Variants in CRKL observed in about 807,000 individuals in gnomAD.
The protein encoded by CRKL is crk-like protein.
CRKL carries 3 observed loss-of-function variants against 23.0 expected under a neutral mutation model. The observed-to-expected ratio is 0.13, with a 90% CI of 0.06 to 0.34. The LOEUF (loss-of-function observed/expected upper bound fraction) is 0.34. Ranked by LOEUF, CRKL falls within the 10% of genes least tolerant of loss-of-function variation. The pLI is 1.00. For missense variants in CRKL, 256 were observed against 394.5 expected, an observed-to-expected ratio of 0.65 and a Z score of 2.97; for synonymous variants, 188 against 160.7, an observed-to-expected ratio of 1.17 and a Z score of -1.28.
At chr22:20,947,369 G>A (rs1054012865) in intron 2 of CRKL, among the ~76,000 whole-genome samples, 1 of 151,540 alleles carries the variant, frequency 6.6e-6, no homozygotes, top group African/African-American at 2.4e-5. Flanking sequence ...GAGCCACTGC[G>A]CCCAGCTACA....
intron 1 of CRKL, among the ~76,000 whole-genome samples, chr22:20,930,482 C>T (rs1011267958): frequency 1.3e-5 from 2 of 152,104 alleles, no homozygotes; most frequent in East Asian, 3.9e-4. Context: ...CAGGTTCAAG[C>T]AATTCTCTTC....
At chr22:20,933,370 C>CA (rs1163224051) in intron 1 of CRKL, among the ~76,000 whole-genome samples, 1 of 142,862 alleles carries the variant, frequency 7.0e-6, no homozygotes, top group Admixed American at 7.1e-5. Context: ...ACTCCATCTC[C>CA]AAAAAAAATG....
At chr22:20,921,504 T>C (rs1420500476) in intron 1 of CRKL, among the ~76,000 whole-genome samples, 1 of 38,636 alleles carries the variant, frequency 2.6e-5, no homozygotes, top group African/African-American at 6.8e-5. Flanking sequence ...AAAGTACTAG[T>C]AAGATCAATA....
rs867085447 is a variant in CRKL, at chr22:20,941,592, T to A, written c.777+7348T>A. On this transcript the variant is annotated intron_variant, in intron 2 of 2. Transcript: ENST00000354336. ...TGTGTGTGTGTGTATATATATATTT[T>A]TTTTTTTTTTTTTTTTTTTTGAGAT... is the stretch of plus-strand genomic sequence containing the variant. Among the ~76,000 whole-genome samples, 470 of 77,232 alleles carry A rather than the reference T, an allele frequency of 6.1e-3. 14 individuals are homozygous for A. The highest frequency in any genetic ancestry group is 0.022 in the African/African-American group (382 of 17,448). 50.7% of individuals were successfully genotyped at this position (77,232 alleles called of 152,430 possible).
chr22:20,936,952 C>T (rs1921681750), intron 2 of CRKL, among the ~76,000 whole-genome samples: 1 of 151,898 alleles, frequency 6.6e-6, no homozygotes, highest in Non-Finnish European at 1.5e-5. Context: ...CCTCTGCCTC[C>T]TGGGCTCAAG....
rs140819946 is a variant in CRKL, at chr22:20,933,350, A to G, written c.312-429A>G. Among the ~76,000 whole-genome samples, 899 of 151,298 alleles carry G rather than the reference A, an allele frequency of 5.9e-3. 8 individuals are homozygous for G. Among genetic ancestry groups the G allele is most frequent in the East Asian group, 0.055 (282 of 5,126 alleles). On this transcript the variant is annotated intron_variant, in intron 1 of 2. Transcript: ENST00000354336. ...CTGCCACTGCACTCCAGCCTGGGCA[A>G]CAGAACAAGACTCCATCTCCAAAAA...
rs1922360612 is a variant in CRKL at position 20,953,678 on chromosome 22, A to C, written c.*3833A>C. ...GTTTTACGTTACTGGTCCCAGCATC[A>C]AAACCCTTGTTTCCATGGCCTGTTT... is the stretch of plus-strand genomic sequence containing the variant. On this transcript the variant is annotated 3_prime_UTR_variant, in exon 3 of 3. Coordinates refer to ENST00000354336, the MANE Select transcript of CRKL (RefSeq NM_005207.4). 5.1e-6 allele frequency: 1 copy of C among 196,290 alleles called. No homozygotes were observed. The allele number at this position is 196,290 out of a possible 1,614,324, so 12.2% of individuals were successfully genotyped here. A position where few individuals can be genotyped will look rare whatever the true frequency, so the allele number is the denominator to read the frequency against.
chr22:20,935,976 G>A (rs1277918111), intron 2 of CRKL, among the ~76,000 whole-genome samples: 1 of 152,128 alleles, frequency 6.6e-6, no homozygotes, highest in Admixed American at 6.5e-5. Flanking sequence ...TCACAGACAT[G>A]GTGAAACCCC....
At chr22:20,943,336 T>G (rs1043856346) in intron 2 of CRKL, among the ~76,000 whole-genome samples, 2 of 152,038 alleles carry the variant, frequency 1.3e-5, no homozygotes, top group African/African-American at 4.8e-5. Flanking sequence ...GCCTTCCAGA[T>G]TCAAGCAATT....
At chr22:20,947,478 T>C (rs1922105967) in intron 2 of CRKL, among the ~76,000 whole-genome samples, 1 of 151,950 alleles carries the variant, frequency 6.6e-6, no homozygotes, top group Non-Finnish European at 1.5e-5. Flanking sequence ...AATTTGGGAT[T>C]ACAGGCATCT....
At chr22:20,927,842 CA>C (rs796204860) in intron 1 of CRKL, among the ~76,000 whole-genome samples, 1,016 of 56,226 alleles carry the variant, frequency 0.018, 4 homozygotes, top group East Asian at 0.077. Context: ...GACTCTGTCT[CA>C]AAAAAAAAAA....
chr22:20,938,249 AT>A (rs567104953), intron 2 of CRKL, among the ~76,000 whole-genome samples: 8 of 152,162 alleles, frequency 5.3e-5, no homozygotes, highest in East Asian at 3.9e-4. Flanking sequence ...TTATTTTACA[AT>A]TTTTTTTAAT....
rs6005034 is a variant in CRKL, at chr22:20,953,109, A to G, written c.*3264A>G. Reference sequence around the variant, plus strand: ...ATGAACATTTTATTTTTGAAAAGGGATGATGTGGTTTTTTGCCAGGTGTTT... The same window carrying G: ...ATGAACATTTTATTTTTGAAAAGGGGTGATGTGGTTTTTTGCCAGGTGTTT... On this transcript the variant is annotated 3_prime_UTR_variant, in exon 3 of 3. Transcript: ENST00000354336. The G allele has an allele frequency of 1.4e-3, 321 of 231,940 alleles. 1 individual carries two copies. The highest frequency in any genetic ancestry group is 5.9e-3 in the African/African-American group (268 of 45,340). The allele number at this position is 231,940 out of a possible 1,614,324, so 14.4% of individuals were successfully genotyped here. A position where few individuals can be genotyped will look rare whatever the true frequency, so the allele number is the denominator to read the frequency against.
Position 20,934,257 on chromosome 22 carries a change from C to T in CRKL, c.777+13C>T, listed in dbSNP as rs745667552. On this transcript the variant is annotated intron_variant, in intron 2 of 2. Coordinates refer to ENST00000354336, the MANE Select transcript of CRKL (RefSeq NM_005207.4). ...CTTGGCATTAGAGGTAAAATCTGTT[C>T]AGATTAGCTTTTTGGGTCCTTTGAC... 7 of 1,593,432 alleles carry T rather than the reference C, an allele frequency of 4.4e-6. No individual in the cohort carries two copies. The South Asian group carries it at 7.9e-5, about 18-fold the overall frequency.
intron 2 of CRKL, among the ~76,000 whole-genome samples, chr22:20,934,692 AC>A (rs1420403331): frequency 6.6e-6 from 1 of 152,180 alleles, no homozygotes; most frequent in East Asian, 1.9e-4. Context: ...ATTAAGGAAG[AC>A]CCATGACCTA....
At chr22:20,947,706 G>T (rs542378128) in intron 2 of CRKL, among the ~76,000 whole-genome samples, 1 of 113,972 alleles carries the variant, frequency 8.8e-6, no homozygotes, top group South Asian at 2.7e-4. Flanking sequence ...TTGAGACAGG[G>T]TCTTGCTCTG....
In CRKL at chr22:20,950,246, A is replaced by G. The variant is rs1299605606; in HGVS notation, c.*401A>G. 1 of 240,650 alleles carries G rather than the reference A, an allele frequency of 4.2e-6. No homozygotes were observed. The highest frequency in any genetic ancestry group is 8.1e-6 in the Non-Finnish European group (1 of 123,710). 14.9% of individuals were successfully genotyped at this position (240,650 alleles called of 1,614,324 possible). A position where few individuals can be genotyped will look rare whatever the true frequency, so the allele number is the denominator to read the frequency against. On this transcript the variant is annotated 3_prime_UTR_variant, in exon 3 of 3. Transcript: ENST00000354336. ...TTGCTGTTCCACAAAGCAGTGGCTT[A>G]GCTGCCATCTTGCTTTTCTTTGGAC...
chr22:20,917,786 G>T lies in CRKL; in HGVS notation c.-149G>T. On this transcript the variant is annotated 5_prime_UTR_variant, in exon 1 of 3. It introduces an in-frame stop codon into an upstream open reading frame of the 5' UTR. Transcript: ENST00000354336. ...GAGGATGCTGCGGGCCCGGAGCCGA[G>T]AGGAAAGTGCTGGCCCAGCCCTCTG... 1 of 753,348 alleles carries T rather than the reference G, an allele frequency of 1.3e-6. No individual in the cohort carries two copies. 46.7% of individuals were successfully genotyped at this position (753,348 alleles called of 1,614,324 possible). A position where few individuals can be genotyped will look rare whatever the true frequency, so the allele number is the denominator to read the frequency against.
At chr22:20,935,522 C>CT (rs11463804) in intron 2 of CRKL, among the ~76,000 whole-genome samples, 109,561 of 143,232 alleles carry the variant, frequency 0.76, 41,832 homozygotes, top group East Asian at 0.87. Flanking sequence ...ATTTTCTTTT[C>CT]TTTTTTTTTT....
Sources: allele counts gnomAD v4.1 joint callset (sites outside exome capture counted in the v4.1 genomes callset), GRCh38; gene constraint gnomAD v4.1.1; transcripts MANE v1.5; gene names NCBI Gene and HGNC (gene_info 2026-07-23, HGNC 2026-07-21).